The following PSCA variants were observed in gnomAD, a reference collection of about 807,000 sequenced individuals.
PSCA encodes the protein prostate stem cell antigen.
PSCA carries 7 observed loss-of-function variants against 7.9 expected under a neutral mutation model. The ratio of observed to expected loss-of-function variants is 0.89; its 90% CI spans 0.51 to 1.67. The LOEUF is 1.67. Among genes scored for constraint, PSCA ranks in the 40% most tolerant of loss-of-function variants. The pLI is 0.00. For synonymous variants in PSCA, 61 were observed against 68.3 expected, an observed-to-expected ratio of 0.89 and a Z score of 0.53; for missense variants, 151 against 147.9, an observed-to-expected ratio of 1.02 and a Z score of -0.11.
rs782235734 is a variant in PSCA, at chr8:142,680,527, C to T, written c.-12C>T. 3.9e-6 allele frequency: 6 copies of T among 1,553,980 alleles called. No homozygotes were observed. Among genetic ancestry groups the T allele is most frequent in the South Asian group, 1.2e-5 (1 of 84,166 alleles). ...ACCAGTGACCACGAAGGCTGTGCTG[C>T]TTGCCCTGTTGATGGCAGGCTTGGC... is the stretch of plus-strand genomic sequence containing the variant. On this transcript the variant is annotated 5_prime_UTR_variant, in exon 1 of 3. Coordinates refer to ENST00000301258, the MANE Select transcript of PSCA (RefSeq NM_005672.5).
At chr8:142,671,942 C>G (rs782460635) in intron 1 of PSCA, among the ~76,000 whole-genome samples, 1 of 152,052 alleles carries the variant, frequency 6.6e-6, no homozygotes, top group Non-Finnish European at 1.5e-5. Flanking sequence ...CATTCTTTGG[C>G]TCTTTTTGTT....
upstream of PSCA, chr8:142,679,920 C>T (rs1847441674): frequency 6.6e-6 from 1 of 152,414 alleles, no homozygotes. Context: ...ACCAGTTTTT[C>T]AGGTTAACTT....
chr8:142,681,223 G>A (rs1273750532), intron 1 of PSCA, 104 bp from the exon 2 acceptor site: 4 of 781,838 alleles, frequency 5.1e-6, no homozygotes, highest in South Asian at 1.7e-5. Context: ...GGGCGCCGAG[G>A]ACTTCCTCAG....
At position 142,673,779 on chromosome 8, in the gene PSCA, C is replaced by T. The variant is rs1158490804; in HGVS notation, n.261+3211C>T. 1.3e-5 allele frequency among the ~76,000 whole-genome samples: 2 copies of T among 152,216 alleles called. No homozygotes were observed. Among genetic ancestry groups the T allele is most frequent in the African/African-American group, 4.8e-5 (2 of 41,448 alleles). On this transcript the variant is annotated intron_variant and non_coding_transcript_variant, in intron 1 of 1. Coordinates refer to the PSCA transcript ENST00000505305. This position sits in a 1 kb window ranked among gnomAD's most constrained non-coding sequence, Gnocchi z 4.6. Reference sequence around the variant, plus strand: ...GGTGGGCCTCGCTAGAGCCATCCATCAGTCATTAGACGTGCAAAAACCTGA... The same window carrying T: ...GGTGGGCCTCGCTAGAGCCATCCATTAGTCATTAGACGTGCAAAAACCTGA...
upstream of PSCA, chr8:142,676,605 A>G (rs1472659894): frequency 1.3e-5 from 2 of 152,192 alleles, no homozygotes; most frequent in African/African-American, 2.4e-5. Flanking sequence ...TACTCAGGGA[A>G]CCTTGGATCT....
intron 1 of PSCA, among the ~76,000 whole-genome samples, chr8:142,671,932 C>T (rs1173426319): frequency 1.2e-4 from 19 of 152,096 alleles, no homozygotes; most frequent in Non-Finnish European, 1.5e-5. Flanking sequence ...CTGACCAGGC[C>T]ATTCTTTGGC....
Position 142,673,462 on chromosome 8 carries a change from G to A in PSCA, n.261+2894G>A, listed in dbSNP as rs369220201. ...AAAGAGAGGAAGAAAATACACTAGC[G>A]TGTAATCACCCAGTGGGTTCATTTT... On this transcript the variant is annotated intron_variant and non_coding_transcript_variant, in intron 1 of 1. Coordinates refer to the PSCA transcript ENST00000505305. This position sits in a 1 kb window ranked among gnomAD's most constrained non-coding sequence, Gnocchi z 4.6. Among the ~76,000 whole-genome samples, 2 of 152,346 alleles carry A rather than the reference G, an allele frequency of 1.3e-5. No homozygotes were observed. The highest frequency in any genetic ancestry group is 2.1e-4 in the South Asian group (1 of 4,822).
intron 1 of PSCA, among the ~76,000 whole-genome samples, chr8:142,672,218 C>A (rs1377551142): frequency 2.0e-5 from 3 of 152,178 alleles, no homozygotes; most frequent in Non-Finnish European, 4.4e-5. Flanking sequence ...ATATCCAGAT[C>A]CTCTACCCTC....
chr8:142,678,942 G>A (rs994876388), upstream of PSCA, among the ~76,000 whole-genome samples: 2 of 119,120 alleles, frequency 1.7e-5, no homozygotes, highest in South Asian at 2.6e-4. Flanking sequence ...GGCCATAGCC[G>A]CTGCCACCAC....
At chr8:142,680,760 CCT>C (rs1264203960) in intron 1 of PSCA, 197 bp downstream of exon 1, 14 of 697,042 alleles carry the variant, frequency 2.0e-5, no homozygotes, top group East Asian at 2.8e-5. Flanking sequence ...CCTGCCGTCC[CCT>C]GTGACCGGGG....
upstream of PSCA, among the ~76,000 whole-genome samples, chr8:142,677,439 C>T (rs1299461078): frequency 1.3e-5 from 2 of 152,224 alleles, no homozygotes; most frequent in East Asian, 3.9e-4. Flanking sequence ...GGTGCAGAGT[C>T]ACCCACGTGA....
rs782471660 is a variant in PSCA at position 142,682,505 on chromosome 8, C to T, written c.*373C>T. 50 of 514,280 alleles carry T rather than the reference C, an allele frequency of 9.7e-5. No individual in the cohort carries two copies. Among genetic ancestry groups the T allele is most frequent in the Non-Finnish European group, 1.6e-4 (43 of 264,822 alleles). 31.9% of individuals were successfully genotyped at this position (514,280 alleles called of 1,614,324 possible). ...GCCAGGTCTGGTCCGTGGTGTCCCCCGCACCCAGCAGGGGACAGGCACTCA... is the reference window on the plus strand; with the variant it reads ...GCCAGGTCTGGTCCGTGGTGTCCCCTGCACCCAGCAGGGGACAGGCACTCA... On this transcript the variant is annotated 3_prime_UTR_variant, in exon 3 of 3. Coordinates refer to ENST00000301258, the MANE Select transcript of PSCA (RefSeq NM_005672.5).
intron 2 of PSCA, 112 bp from the exon 3 acceptor site, chr8:142,681,809 A>C (rs1554638392): frequency 2.5e-6 from 2 of 786,850 alleles, no homozygotes; most frequent in East Asian, 5.4e-5. Flanking sequence ...TCCTGAGGCC[A>C]GCCCAGGGGG....
upstream of PSCA, chr8:142,676,146 G>A (rs34335167): frequency 0.23 from 34,393 of 152,332 alleles, 4,483 homozygotes; most frequent in Admixed American, 0.32. Context: ...TGGGCCCATG[G>A]CAGTGGGGTG....
intron 1 of PSCA, among the ~76,000 whole-genome samples, chr8:142,672,143 A>G (rs587626225): frequency 8.5e-4 from 129 of 151,332 alleles, no homozygotes; most frequent in Middle Eastern, 3.4e-3. Context: ...CATTGCCCCC[A>G]CCTTCATGAA....
At chr8:142,681,268 C>T (rs910054439) in intron 1 of PSCA, 59 bp from the exon 2 acceptor site, 15 of 1,355,682 alleles carry the variant, frequency 1.1e-5, no homozygotes, top group Non-Finnish European at 1.5e-5. Flanking sequence ...CCTGGGAGCC[C>T]CCATTCCTGG....
At chr8:142,679,207 C>T (rs1400038136), upstream of PSCA, among the ~76,000 whole-genome samples, 4 of 152,214 alleles carry the variant, frequency 2.6e-5, no homozygotes, top group African/African-American at 9.6e-5. Flanking sequence ...GCCATACAGC[C>T]CTGGGCCTAG....
intron 1 of PSCA, among the ~76,000 whole-genome samples, chr8:142,675,397 T>A (rs1300613492): frequency 1.3e-5 from 2 of 151,882 alleles, no homozygotes; most frequent in Non-Finnish European, 2.9e-5. Flanking sequence ...AAAAGGCACC[T>A]CCTCTGGGAA....
At chr8:142,671,942 C>T (rs782460635) in intron 1 of PSCA, among the ~76,000 whole-genome samples, 2 of 152,052 alleles carry the variant, frequency 1.3e-5, no homozygotes, top group Non-Finnish European at 2.9e-5. Flanking sequence ...CATTCTTTGG[C>T]TCTTTTTGTT....
Sources: gnomAD v4.1 joint callset for allele counts (sites outside exome capture counted in the v4.1 genomes callset) on GRCh38, gnomAD v4.1.1 for gene constraint, Gnocchi (gnomAD v3.1) non-coding constraint, MANE v1.5 for transcripts, NCBI Gene and HGNC (gene_info 2026-07-23, HGNC 2026-07-21) for gene names.